NAALADL2: variants seen among roughly 807,000 people sequenced by gnomAD.
The protein encoded by NAALADL2 is N-acetylated alpha-linked acidic dipeptidase like 2, also known as inactive N-acetylated-alpha-linked acidic dipeptidase-like protein 2.
In NAALADL2, 76 loss-of-function variants were observed where a neutral mutation model predicts 87.2. That is an observed-to-expected ratio of 0.87 (90% CI 0.72 to 1.05). The LOEUF (loss-of-function observed/expected upper bound fraction) is 1.05, where lower values mean the gene tolerates loss of function less well. Among genes scored for constraint, NAALADL2 ranks in the 50% least tolerant of loss-of-function variants. The pLI is 0.00. For synonymous variants in NAALADL2, 354 were observed against 331.0 expected, an observed-to-expected ratio of 1.07 and a Z score of -0.75; for missense variants, 1,089 against 945.8, an observed-to-expected ratio of 1.15 and a Z score of -1.99.
chr3:175,476,618 C>A (rs1178559631), intron 9 of NAALADL2, among the ~76,000 whole-genome samples: 1 of 152,094 alleles, frequency 6.6e-6, no homozygotes, highest in Admixed American at 6.6e-5. Flanking sequence ...AGAAATAATG[C>A]TCATTCCCAT....
At chr3:175,734,925 T>A (rs1744301919) in intron 11 of NAALADL2, among the ~76,000 whole-genome samples, 1 of 152,232 alleles carries the variant, frequency 6.6e-6, no homozygotes, top group Non-Finnish European at 1.5e-5. Context: ...TAGGCAAATT[T>A]CTCCAGCTGG....
chr3:175,025,042 A>G (rs145511884), intron 1 of NAALADL2, among the ~76,000 whole-genome samples: 1 of 152,172 alleles, frequency 6.6e-6, no homozygotes, highest in Non-Finnish European at 1.5e-5. Context: ...AAAATGCTGC[A>G]TATCAAAAAT....
intron 3 of NAALADL2, among the ~76,000 whole-genome samples, chr3:174,815,830 G>GTTTTTTTTT (rs10589968): frequency 4.3e-5 from 5 of 115,200 alleles, no homozygotes; most frequent in Non-Finnish European, 7.3e-5. Context: ...TTTGACTTTA[G>GTTTTTTTTT]TTTTTTTTTT....
chr3:174,902,688 C>T (rs1389102192), intron 1 of NAALADL2, among the ~76,000 whole-genome samples: 1 of 152,040 alleles, frequency 6.6e-6, no homozygotes, highest in African/African-American at 2.4e-5. Context: ...AAACTTGTTA[C>T]TGAATAATAA....
At chr3:175,032,364 C>T (rs951693826) in intron 1 of NAALADL2, among the ~76,000 whole-genome samples, 8 of 151,964 alleles carry the variant, frequency 5.3e-5, no homozygotes, top group African/African-American at 7.2e-5. Context: ...GATATCCATG[C>T]GGTAAGCTCT....
At chr3:175,790,102 A>G (rs573910215) in intron 13 of NAALADL2, among the ~76,000 whole-genome samples, 2 of 152,294 alleles carry the variant, frequency 1.3e-5, no homozygotes, top group South Asian at 4.1e-4. Flanking sequence ...TTAATTACCA[A>G]CACCAAGTAA....
chr3:174,758,380 C>T (rs564137269), intron 3 of NAALADL2, among the ~76,000 whole-genome samples: 1 of 152,218 alleles, frequency 6.6e-6, no homozygotes, highest in Non-Finnish European at 1.5e-5. Flanking sequence ...ACATATACAA[C>T]TAGCATAGAG....
rs1318416662 is a variant in NAALADL2 at position 175,718,726 on chromosome 3, G to T, written c.1897-18580G>T. The T allele has an allele frequency of 2.3e-5, 29 of 1,284,296 alleles. No homozygotes were observed. The South Asian group carries it at 3.2e-4, about 14-fold the overall frequency. 79.6% of individuals were successfully genotyped at this position (1,284,296 alleles called of 1,614,324 possible). A position where few individuals can be genotyped will look rare whatever the true frequency, so the allele number is the denominator to read the frequency against. The stretch of plus-strand genomic sequence containing the variant: ...AGATCACTTGAGGCGTGGAGATCAA[G>T]ACCAACCTGGGCAACATAGCAAGAC... On this transcript the variant is annotated intron_variant, in intron 11 of 13. Coordinates refer to ENST00000454872, the MANE Select transcript of NAALADL2 (RefSeq NM_207015.3).
intron 5 of NAALADL2, among the ~76,000 whole-genome samples, chr3:175,326,280 G>GC (rs1294832687): frequency 6.6e-6 from 1 of 152,086 alleles, no homozygotes; most frequent in African/African-American, 2.4e-5. Context: ...TATCAGAATG[G>GC]CCTTTACTGT....
chr3:175,668,908 T>C (rs1003631637), intron 11 of NAALADL2, among the ~76,000 whole-genome samples: 2 of 152,130 alleles, frequency 1.3e-5, no homozygotes, highest in African/African-American at 4.8e-5. Context: ...ATAGCAGTTA[T>C]TATTTATTAA....
intron 1 of NAALADL2, among the ~76,000 whole-genome samples, chr3:175,054,959 A>G (rs1004734217): frequency 2.0e-5 from 3 of 151,108 alleles, no homozygotes; most frequent in African/African-American, 7.3e-5. Context: ...AATGCAAAAT[A>G]TGACTACTTT....
chr3:175,632,737 G>A (rs1177984218), intron 11 of NAALADL2, among the ~76,000 whole-genome samples: 1 of 151,986 alleles, frequency 6.6e-6, no homozygotes, highest in Non-Finnish European at 1.5e-5. Context: ...CTTTGACATT[G>A]GATATATGGA....
At chr3:175,728,011 T>C (rs1017855917) in intron 11 of NAALADL2, among the ~76,000 whole-genome samples, 2 of 152,180 alleles carry the variant, frequency 1.3e-5, no homozygotes, top group African/African-American at 4.8e-5. Flanking sequence ...AGCTTCCTTT[T>C]TGATAGTTGT....
intron 12 of NAALADL2, among the ~76,000 whole-genome samples, chr3:175,738,147 TA>T (rs1324820515): frequency 6.6e-6 from 1 of 152,146 alleles, no homozygotes; most frequent in Non-Finnish European, 1.5e-5. Context: ...TACTTCTCAA[TA>T]AAAAAGTCAA....
intron 6 of NAALADL2, among the ~76,000 whole-genome samples, chr3:175,461,584 G>T (rs775576988): frequency 2.0e-5 from 3 of 152,142 alleles, no homozygotes; most frequent in African/African-American, 4.8e-5. Context: ...TGTGAAAATG[G>T]TTATTGTAAA....
intron 11 of NAALADL2, among the ~76,000 whole-genome samples, chr3:175,716,763 C>G (rs1741359294): frequency 6.6e-6 from 1 of 152,034 alleles, no homozygotes; most frequent in African/African-American, 2.4e-5. Context: ...GTTATATGAT[C>G]TAATCTAAGT....
At chr3:175,342,663 T>G (rs1191668288) in intron 5 of NAALADL2, among the ~76,000 whole-genome samples, 1 of 152,086 alleles carries the variant, frequency 6.6e-6, no homozygotes. Context: ...ACTCTGACTT[T>G]CTTAAATTAT....
intron 3 of NAALADL2, among the ~76,000 whole-genome samples, chr3:174,833,770 A>G (rs1723006987): frequency 6.6e-6 from 1 of 151,872 alleles, no homozygotes; most frequent in Non-Finnish European, 1.5e-5. Context: ...AATTTAATTT[A>G]AAATGTATAT....
At chr3:174,964,282 A>G (rs1012099528) in intron 1 of NAALADL2, among the ~76,000 whole-genome samples, 1 of 152,128 alleles carries the variant, frequency 6.6e-6, no homozygotes. Context: ...TGATAAAATT[A>G]AAGTATACAG....
Sources: gnomAD v4.1 joint callset for allele counts (sites outside exome capture counted in the v4.1 genomes callset) on GRCh38, gnomAD v4.1.1 for gene constraint, MANE v1.5 for transcripts, NCBI Gene and HGNC (gene_info 2026-07-23, HGNC 2026-07-21) for gene names.